Variants in GNAQ observed in about 807,000 individuals in gnomAD.
GNAQ encodes the protein G protein subunit alpha q.
A neutral mutation model predicts 43.9 loss-of-function variants in GNAQ; 8 were observed. The ratio of observed to expected loss-of-function variants is 0.18; its 90% confidence interval spans 0.11 to 0.33. GNAQ has a LOEUF of 0.33. Ranked by LOEUF, GNAQ falls within the 10% of genes least tolerant of loss-of-function variation. The pLI is 1.00. For missense variants in GNAQ, 158 were observed against 450.8 expected, an observed-to-expected ratio of 0.35 and a Z score of 5.88; for synonymous variants, 155 against 170.7, an observed-to-expected ratio of 0.91 and a Z score of 0.71.
At chr9:77,980,502 T>A (rs1320168842) in intron 1 of GNAQ, among the ~76,000 whole-genome samples, 1 of 152,206 alleles carries the variant, frequency 6.6e-6, no homozygotes, top group Non-Finnish European at 1.5e-5. Context: ...CAAAATTATT[T>A]TATAATTAAA....
chr9:77,751,577 T>C (rs1825811374), intron 5 of GNAQ, among the ~76,000 whole-genome samples: 1 of 152,030 alleles, frequency 6.6e-6, no homozygotes, highest in African/African-American at 2.4e-5. Flanking sequence ...ATGGGGTGGG[T>C]AGGTGGGCTG....
rs149127669 is a variant in GNAQ, at chr9:77,994,406, C to T, written c.136+36694G>A. Among the ~76,000 whole-genome samples, 375 of 152,296 alleles carry T rather than the reference C, an allele frequency of 2.5e-3. 6 individuals are homozygous for T. The highest frequency in any genetic ancestry group is 8.6e-3 in the African/African-American group (357 of 41,562). ...TTGATACCAGGAATATGTGAATGTT[C>T]TTTAATTAGCCCTATCATTCTATTT... On this transcript the variant is annotated intron_variant, in intron 1 of 6. Transcript: ENST00000286548.
intron 1 of GNAQ, among the ~76,000 whole-genome samples, chr9:77,975,001 A>C (rs1459089960): frequency 6.6e-6 from 1 of 152,226 alleles, no homozygotes; most frequent in Admixed American, 6.5e-5. Flanking sequence ...GCCCACTGTG[A>C]CAACCCCTCA....
intron 1 of GNAQ, among the ~76,000 whole-genome samples, chr9:78,028,065 A>C (rs372116440): frequency 6.6e-5 from 10 of 152,314 alleles, no homozygotes; most frequent in African/African-American, 2.2e-4. Flanking sequence ...TATTCATGAA[A>C]ATTAATCAAT....
chr9:77,826,021 A>T (rs1827190227), intron 2 of GNAQ, among the ~76,000 whole-genome samples: 1 of 152,204 alleles, frequency 6.6e-6, no homozygotes, highest in South Asian at 2.1e-4. Flanking sequence ...CCCCAAAAAC[A>T]GATGTCCTAA....
At chr9:77,918,706 T>A (rs1330252695) in intron 2 of GNAQ, among the ~76,000 whole-genome samples, 1 of 152,136 alleles carries the variant, frequency 6.6e-6, no homozygotes, top group Non-Finnish European at 1.5e-5. Flanking sequence ...ATTATAGCCA[T>A]TCCTTCTCCC....
At chr9:77,722,066 A>G (rs1825323477) in intron 6 of GNAQ, among the ~76,000 whole-genome samples, 1 of 152,038 alleles carries the variant, frequency 6.6e-6, no homozygotes, top group Middle Eastern at 3.4e-3. Context: ...GATTTCTGGT[A>G]TTTCTGAGCA....
chr9:77,789,990 A>C (rs1826542792), intron 5 of GNAQ, among the ~76,000 whole-genome samples: 1 of 152,182 alleles, frequency 6.6e-6, no homozygotes, highest in Non-Finnish European at 1.5e-5. Flanking sequence ...GAAAGGTGAG[A>C]GAAGGAGTTT....
intron 2 of GNAQ, among the ~76,000 whole-genome samples, chr9:77,856,674 A>ATTAAATTAAATAAAGTAATT (rs1395699247): frequency 2.6e-5 from 4 of 152,204 alleles, no homozygotes; most frequent in Non-Finnish European, 5.9e-5. Flanking sequence ...AATTTAAGGA[A>ATTAAATTAAATAAAGTAATT]ACTTCTTTGT....
intron 2 of GNAQ, among the ~76,000 whole-genome samples, chr9:77,902,713 A>G (rs1828633514): frequency 6.6e-6 from 1 of 152,184 alleles, no homozygotes; most frequent in African/African-American, 2.4e-5. Context: ...AATGAACGCC[A>G]ATTTGTTTTT....
At position 77,870,394 on chromosome 9, in the gene GNAQ, G is replaced by A. The variant is rs192034468; in HGVS notation, c.321+51767C>T. Among the ~76,000 whole-genome samples the A allele has an allele frequency of 5.8e-3, 838 of 144,992 alleles. 2 individuals carry two copies. The highest frequency in any genetic ancestry group is 0.02 in the African/African-American group (769 of 38,706). ...CACCCAGGCTGGAGTGCAGTGGCGC[G>A]ATCTCAGCTCACTGCAAGCTCTGCC... On this transcript the variant is annotated intron_variant, in intron 2 of 6. Coordinates refer to ENST00000286548, the MANE Select transcript of GNAQ (RefSeq NM_002072.5).
chr9:77,974,411 T>C (rs942436530), intron 1 of GNAQ, among the ~76,000 whole-genome samples: 7 of 152,328 alleles, frequency 4.6e-5, no homozygotes, highest in Admixed American at 2.6e-4. Flanking sequence ...AATTTTAATA[T>C]ACATTGCTCC....
chr9:77,972,908 G>A (rs1375249917), intron 1 of GNAQ, among the ~76,000 whole-genome samples: 4 of 146,122 alleles, frequency 2.7e-5, no homozygotes, highest in African/African-American at 7.6e-5. Flanking sequence ...AGCCGAGATC[G>A]TACCATTGTA....
chr9:77,862,814 T>C (rs1827876408), intron 2 of GNAQ, among the ~76,000 whole-genome samples: 1 of 152,248 alleles, frequency 6.6e-6, no homozygotes, highest in African/African-American at 2.4e-5. Context: ...TGAACTTTTA[T>C]ACTCTGCTTC....
intron 1 of GNAQ, among the ~76,000 whole-genome samples, chr9:77,956,102 T>C (rs1473300328): frequency 6.6e-6 from 1 of 152,240 alleles, no homozygotes; most frequent in Non-Finnish European, 1.5e-5. Context: ...ATAATATGTG[T>C]ACTGAGCACT....
intron 2 of GNAQ, among the ~76,000 whole-genome samples, chr9:77,874,833 C>G (rs1447551574): frequency 6.6e-6 from 1 of 151,944 alleles, no homozygotes; most frequent in African/African-American, 2.4e-5. Context: ...GTTGGACAGG[C>G]TAGTCTTGAC....
intron 1 of GNAQ, among the ~76,000 whole-genome samples, chr9:78,007,268 T>A (rs565923238): frequency 2.7e-4 from 41 of 149,624 alleles, no homozygotes; most frequent in African/African-American, 9.8e-4. Context: ...AAAGTACAAG[T>A]AAAGAGCAAT....
intron 2 of GNAQ, among the ~76,000 whole-genome samples, chr9:77,841,585 A>G (rs1233367920): frequency 6.6e-6 from 1 of 152,206 alleles, no homozygotes; most frequent in Admixed American, 6.5e-5. Context: ...TGCATCCTAG[A>G]ATTTGTATAT....
intron 1 of GNAQ, among the ~76,000 whole-genome samples, chr9:77,979,874 C>A (rs1216658148): frequency 6.6e-6 from 1 of 152,044 alleles, no homozygotes; most frequent in Non-Finnish European, 1.5e-5. Context: ...TGTTTATTTG[C>A]TGAAAAACAA....
Sources: gnomAD v4.1 joint callset for allele counts (sites outside exome capture counted in the v4.1 genomes callset) on GRCh38, gnomAD v4.1.1 for gene constraint, MANE v1.5 for transcripts, NCBI Gene and HGNC (gene_info 2026-07-23, HGNC 2026-07-21) for gene names.